The following CADPS variants were observed in gnomAD, a reference collection of about 807,000 sequenced individuals.
CADPS encodes the protein calcium-dependent secretion activator 1.
Under a neutral mutation model 167.3 loss-of-function variants are expected in CADPS, and 57 were observed. That is an observed-to-expected ratio of 0.34 (90% CI 0.28 to 0.42). CADPS has a LOEUF of 0.42. Ranked by LOEUF, CADPS falls within the 20% of genes least tolerant of loss-of-function variation. The pLI, the probability that CADPS is intolerant of heterozygous loss-of-function variation, is 1.00. For missense variants in CADPS, 1,414 were observed against 1,738.1 expected (o/e 0.81, Z 3.32); for synonymous variants, 676 against 635.3 (o/e 1.06, Z -0.96).
chr3:62,609,598 T>C (rs1436333532), intron 6 of CADPS, among the ~76,000 whole-genome samples: 1 of 152,154 alleles, frequency 6.6e-6, no homozygotes, highest in African/African-American at 2.4e-5. Context: ...AGATATAACC[T>C]CTCTGAGCAT....
At chr3:62,457,121 A>G (rs1012226998) in intron 26 of CADPS, among the ~76,000 whole-genome samples, 1 of 152,200 alleles carries the variant, frequency 6.6e-6, no homozygotes, top group Admixed American at 6.5e-5. Context: ...TGATGCTAAC[A>G]TTTGTGCTCA....
intron 1 of CADPS, among the ~76,000 whole-genome samples, chr3:62,852,310 GCTGGTGAGGAACTGCGTTCCT>G (rs2078775008): frequency 6.6e-6 from 1 of 152,030 alleles, no homozygotes. Context: ...TTGTTCCGTT[GCTGGTGAGGAACTGCGTTCCT>G]CAGATGGAAA....
At chr3:62,469,229 C>T (rs2060287075) in intron 24 of CADPS, among the ~76,000 whole-genome samples, 1 of 152,114 alleles carries the variant, frequency 6.6e-6, no homozygotes, top group African/African-American at 2.4e-5. Context: ...ATACGTGAAT[C>T]CCTTTTGCTA....
rs2054367175 is a variant in CADPS at position 62,433,404 on chromosome 3, AAGTTC to A, written c.3777+4695_3777+4699del. Among the ~76,000 whole-genome samples, 2 of 152,152 alleles carry A rather than the reference AAGTTC, an allele frequency of 1.3e-5. No individual in the cohort carries two copies. The highest frequency in any genetic ancestry group is 4.1e-4 in the South Asian group (2 of 4,824). ...CCGAAGCTGACCACACTGCTTGATT[AAGTTC>A]TTACGAGGTGGTTTGGTAAGAGGCC... On this transcript the variant is annotated intron_variant, in intron 28 of 29. Transcript: ENST00000383710. The surrounding 1 kb of genome is among the most constrained non-coding windows in gnomAD (Gnocchi z 4.7).
At chr3:62,530,739 G>C (rs750713712) in intron 13 of CADPS, 32 of 1,288,844 alleles carry the variant, frequency 2.5e-5, no homozygotes, top group African/African-American at 3.0e-5. Context: ...TCTGGTTCAG[G>C]TGGGGAGGGA....
rs1010259153 is a variant in CADPS at position 62,478,966 on chromosome 3, G to A, written c.3174-550C>T. The stretch of plus-strand genomic sequence containing the variant: ...GCTGGAAAGAAATTAGGGTGACTCA[G>A]ATCAAGAGGGGTACACCTGGATACC... On this transcript the variant is annotated intron_variant, in intron 22 of 29. Coordinates refer to ENST00000383710, the MANE Select transcript of CADPS (RefSeq NM_003716.4). The surrounding 1 kb of genome is among the most constrained non-coding windows in gnomAD (Gnocchi z 5.7). 3.9e-5 allele frequency among the ~76,000 whole-genome samples: 6 copies of A among 152,194 alleles called. No individual in the cohort carries two copies. The highest frequency in any genetic ancestry group is 1.4e-4 in the African/African-American group (6 of 41,446).
At chr3:62,415,296 T>C (rs2049843464) in intron 28 of CADPS, among the ~76,000 whole-genome samples, 1 of 152,070 alleles carries the variant, frequency 6.6e-6, no homozygotes, top group Non-Finnish European at 1.5e-5. Flanking sequence ...GGGGTTGGTG[T>C]CATTACACAT....
chr3:62,568,604 T>G (rs1225466929), intron 9 of CADPS, among the ~76,000 whole-genome samples: 4 of 152,230 alleles, frequency 2.6e-5, no homozygotes, highest in African/African-American at 9.6e-5. Flanking sequence ...TCCTTTGTTT[T>G]GAGGCTTTCG....
intron 26 of CADPS, among the ~76,000 whole-genome samples, chr3:62,464,429 G>A (rs1233263509): frequency 6.6e-6 from 1 of 152,154 alleles, no homozygotes; most frequent in African/African-American, 2.4e-5. Context: ...TTCCTATGGT[G>A]TTGTCAGAGG....
chr3:62,560,806 C>T (rs1288722514), intron 9 of CADPS, among the ~76,000 whole-genome samples: 2 of 152,068 alleles, frequency 1.3e-5, no homozygotes, highest in East Asian at 1.9e-4. Context: ...GTGGGCTGGG[C>T]GCAGTGGCTT....
intron 12 of CADPS, chr3:62,536,060 T>A (rs565840380): frequency 6.0e-6 from 1 of 167,644 alleles, no homozygotes; most frequent in African/African-American, 2.4e-5. Context: ...TACATTCATG[T>A]AATGAGATAG....
At chr3:62,561,367 T>C (rs2079120975) in intron 9 of CADPS, among the ~76,000 whole-genome samples, 1 of 151,882 alleles carries the variant, frequency 6.6e-6, no homozygotes, top group South Asian at 2.1e-4. Context: ...ATCTTCCTGC[T>C]TCAGCCTCCC....
intron 1 of CADPS, among the ~76,000 whole-genome samples, chr3:62,791,220 T>A (rs550528359): frequency 6.6e-6 from 1 of 152,208 alleles, no homozygotes; most frequent in Non-Finnish European, 1.5e-5. Flanking sequence ...CTTTTTGGAA[T>A]GGTAGAAGTG....
intron 6 of CADPS, among the ~76,000 whole-genome samples, chr3:62,641,363 T>C (rs2067380005): frequency 6.6e-6 from 1 of 152,208 alleles, no homozygotes; most frequent in Non-Finnish European, 1.5e-5. Flanking sequence ...TTTCACATAA[T>C]TTCATCTCAC....
intron 3 of CADPS, among the ~76,000 whole-genome samples, chr3:62,721,704 CAAT>C (rs919849301): frequency 1.3e-5 from 2 of 152,078 alleles, no homozygotes; most frequent in Admixed American, 1.3e-4. Context: ...ATTTATATGA[CAAT>C]AATTATTATT....
intron 17 of CADPS, among the ~76,000 whole-genome samples, chr3:62,502,866 G>A (rs2066003431): frequency 6.6e-6 from 1 of 152,076 alleles, no homozygotes; most frequent in African/African-American, 2.4e-5. Context: ...AAGAGAGACA[G>A]TAAAAAAGTA....
intron 1 of CADPS, among the ~76,000 whole-genome samples, chr3:62,869,992 C>A (rs967546143): frequency 6.6e-6 from 1 of 152,106 alleles, no homozygotes; most frequent in Non-Finnish European, 1.5e-5. Flanking sequence ...CATTTAATTT[C>A]CTTTGTTCTT....
intron 3 of CADPS, among the ~76,000 whole-genome samples, chr3:62,690,870 T>C (rs1003199581): frequency 2.6e-5 from 4 of 152,000 alleles, no homozygotes; most frequent in Non-Finnish European, 4.4e-5. Context: ...CACACAAACC[T>C]GTACACAGAT....
chr3:62,743,774 C>A (rs943804325), intron 3 of CADPS, among the ~76,000 whole-genome samples: 1 of 152,132 alleles, frequency 6.6e-6, no homozygotes, highest in African/African-American at 2.4e-5. Context: ...TGAATAGATG[C>A]GTCCATTAAA....
Sources: gnomAD v4.1 joint callset for allele counts (sites outside exome capture counted in the v4.1 genomes callset) on GRCh38, gnomAD v4.1.1 for gene constraint, Gnocchi (gnomAD v3.1) non-coding constraint, MANE v1.5 for transcripts, NCBI Gene and HGNC (gene_info 2026-07-23, HGNC 2026-07-21) for gene names.